MICAL3: variants seen among roughly 807,000 people sequenced by gnomAD.
The protein encoded by MICAL3 is microtubule associated monooxygenase, calponin and LIM domain containing 3.
In MICAL3, 62 loss-of-function variants were observed where a neutral mutation model predicts 207.4. The ratio of observed to expected loss-of-function variants is 0.30; its 90% CI spans 0.24 to 0.37. MICAL3 has a LOEUF of 0.37. Among genes scored for constraint, MICAL3 ranks in the 10% least tolerant of loss-of-function variants. The pLI is 1.00. For synonymous variants in MICAL3, 1,077 were observed against 1,069.3 expected, an observed-to-expected ratio of 1.01 and a Z score of -0.14; for missense variants, 2,368 against 2,635.6, an observed-to-expected ratio of 0.90 and a Z score of 2.22.
intron 16 of MICAL3, chr22:17,875,614 C>G (rs1420577716): frequency 5.9e-6 from 6 of 1,019,768 alleles, no homozygotes; most frequent in African/African-American, 3.4e-5. Context: ...AAGTCACACA[C>G]TGACCTCTGA....
At chr22:17,970,939 T>C (rs1318349369) in intron 1 of MICAL3, among the ~76,000 whole-genome samples, 1 of 152,156 alleles carries the variant, frequency 6.6e-6, no homozygotes, top group Non-Finnish European at 1.5e-5. Context: ...CCCAGCATTT[T>C]GGGAGGTCGA....
rs376447786 is a variant in MICAL3 at position 17,861,878 on chromosome 22, C to T, written c.2605+3021G>A. The T allele has an allele frequency of 9.0e-5, 89 of 985,402 alleles. 4 individuals carry two copies. In the East Asian group the frequency reaches 2.3e-3, roughly 25 times the overall value. The allele number at this position is 985,402 out of a possible 1,614,324, so 61.0% of individuals were successfully genotyped here. ...CCAGAGAAAGACAATACTTTAAAGC[C>T]GACCTAGAGTGGTTCTTTGAACTGC... On this transcript the variant is annotated intron_variant, in intron 19 of 31. Transcript: ENST00000441493.
intron 1 of MICAL3, among the ~76,000 whole-genome samples, chr22:17,942,984 G>C (rs879718364): frequency 2.0e-5 from 3 of 152,160 alleles, no homozygotes; most frequent in Non-Finnish European, 4.4e-5. Flanking sequence ...ACACAACACA[G>C]CCACTGCTAC....
chr22:17,975,417 C>A (rs1010586202), intron 1 of MICAL3, among the ~76,000 whole-genome samples: 2 of 152,062 alleles, frequency 1.3e-5, no homozygotes, highest in Non-Finnish European at 2.9e-5. Flanking sequence ...CAAATTCCCA[C>A]AACTTTCTGG....
chr22:17,969,932 C>T (rs118038128), intron 1 of MICAL3, among the ~76,000 whole-genome samples: 1 of 152,160 alleles, frequency 6.6e-6, no homozygotes, highest in Non-Finnish European at 1.5e-5. Flanking sequence ...CATGAGGTCA[C>T]GTCCACGAAA....
intron 1 of MICAL3, chr22:17,983,409 C>T (rs1439578081): frequency 6.7e-6 from 1 of 149,028 alleles, no homozygotes; most frequent in African/African-American, 2.6e-5. Flanking sequence ...TATGGGCACA[C>T]TCATCTCTAC....
intron 1 of MICAL3, among the ~76,000 whole-genome samples, chr22:17,938,589 C>T (rs968483472): frequency 6.6e-6 from 1 of 152,140 alleles, no homozygotes; most frequent in Non-Finnish European, 1.5e-5. Flanking sequence ...ACTTTGATAC[C>T]AAGCACAATT....
At chr22:18,005,368 C>G (rs1569164782) in intron 1 of MICAL3, 1 of 152,186 alleles carries the variant, frequency 6.6e-6, no homozygotes, top group Non-Finnish European at 1.5e-5. Flanking sequence ...GAGAGCATGA[C>G]CGTTTGGCTA....
intron 1 of MICAL3, among the ~76,000 whole-genome samples, chr22:17,951,514 A>G (rs1034983829): frequency 3.3e-5 from 5 of 151,584 alleles, no homozygotes; most frequent in African/African-American, 1.2e-4. Context: ...TGCTTCGCCA[A>G]AGGAAAAACT....
rs1486314366 is a variant in MICAL3 at position 17,994,570 on chromosome 22, G to A, written c.-75+29711C>T. ...TCTCCACAAAATTTAAAAATTAGTC[G>A]GGTGTGGTGGTGTGGGCCTGTAGTC... is the stretch of plus-strand genomic sequence containing the variant. On this transcript the variant is annotated intron_variant, in intron 1 of 31. Coordinates refer to ENST00000441493, the MANE Select transcript of MICAL3 (RefSeq NM_015241.3). Among the ~76,000 whole-genome samples, 8 of 152,114 alleles carry A rather than the reference G, an allele frequency of 5.3e-5. No homozygotes were observed. The East Asian group carries it at 5.8e-4, about 11-fold the overall frequency.
rs1933283257 is a variant in MICAL3 at position 17,931,890 on chromosome 22, T to C, written c.-74-25004A>G. On this transcript the variant is annotated intron_variant, in intron 1 of 31. Transcript: ENST00000441493. ...ACCTTTCACTTCATTTGGCACATTA[T>C]TTATTGAGTGCACAGTATATGTCAA... is the stretch of plus-strand genomic sequence containing the variant. Among the ~76,000 whole-genome samples, 3 of 152,214 alleles carry C rather than the reference T, an allele frequency of 2.0e-5. No homozygotes were observed. The East Asian group carries it at 5.8e-4, about 29-fold the overall frequency.
At chr22:17,802,759 T>C (rs550842958) in intron 29 of MICAL3, among the ~76,000 whole-genome samples, 1 of 152,206 alleles carries the variant, frequency 6.6e-6, no homozygotes, top group African/African-American at 2.4e-5. Context: ...ACAATTATCT[T>C]TGCCATTCTT....
chr22:17,832,430 G>A (rs1922902130), intron 20 of MICAL3, among the ~76,000 whole-genome samples: 1 of 152,212 alleles, frequency 6.6e-6, no homozygotes, highest in Non-Finnish European at 1.5e-5. Flanking sequence ...CCTGTGGAGG[G>A]GAGTGTGCAG....
intron 29 of MICAL3, among the ~76,000 whole-genome samples, chr22:17,802,426 T>C (rs1243892904): frequency 2.0e-5 from 3 of 152,240 alleles, no homozygotes; most frequent in African/African-American, 7.2e-5. Context: ...CAAGAGGCAT[T>C]AGATGGGAAA....
chr22:17,951,284 T>C (rs974960459), intron 1 of MICAL3, among the ~76,000 whole-genome samples: 13 of 151,798 alleles, frequency 8.6e-5, no homozygotes, highest in African/African-American at 3.2e-4. Context: ...GGACCCGGGG[T>C]CCGTCATTCA....
chr22:17,795,074 C>G (rs113884427), intron 29 of MICAL3, among the ~76,000 whole-genome samples: 1 of 152,192 alleles, frequency 6.6e-6, no homozygotes, highest in Non-Finnish European at 1.5e-5. Context: ...ACCCTTCCAG[C>G]GTGGCGTACC....
At position 17,953,930 on chromosome 22, in the gene MICAL3, C is replaced by CAAAA. The variant is rs59740388; in HGVS notation, c.-74-47048_-74-47045dup. ...CAGGTGACAGAGTAAGACTCCATCT[C>CAAAA]AAAAAAAAAAAAAAAAAAAAAAAAA... On this transcript the variant is annotated intron_variant, in intron 1 of 31. Transcript: ENST00000441493. Among the ~76,000 whole-genome samples, 96 of 86,468 alleles carry CAAAA rather than the reference C, an allele frequency of 1.1e-3. 1 individual carries two copies. The highest frequency in any genetic ancestry group is 1.6e-3 in the Non-Finnish European group (69 of 43,384). 56.7% of individuals were successfully genotyped at this position (86,468 alleles called of 152,430 possible).
intron 27 of MICAL3, among the ~76,000 whole-genome samples, chr22:17,816,058 T>C (rs1239428042): frequency 6.6e-6 from 1 of 152,150 alleles, no homozygotes; most frequent in Non-Finnish European, 1.5e-5. Context: ...GGTGACATGA[T>C]ACTCCGCAGA....
At chr22:17,930,668 G>C (rs1933201201) in intron 1 of MICAL3, among the ~76,000 whole-genome samples, 1 of 152,246 alleles carries the variant, frequency 6.6e-6, no homozygotes, top group African/African-American at 2.4e-5. Context: ...TTGGGACCCT[G>C]ATCTGGACAG....
Sources: gnomAD v4.1 joint callset for allele counts (sites outside exome capture counted in the v4.1 genomes callset) on GRCh38, gnomAD v4.1.1 for gene constraint, MANE v1.5 for transcripts, NCBI Gene and HGNC (gene_info 2026-07-23, HGNC 2026-07-21) for gene names.